The following SCFD2 variants were observed in gnomAD, a reference collection of about 807,000 sequenced individuals.
The protein encoded by SCFD2 is sec1 family domain-containing protein 2.
SCFD2 carries 54 observed loss-of-function variants against 58.9 expected under a neutral mutation model. The ratio of observed to expected loss-of-function variants is 0.92; its 90% CI spans 0.74 to 1.15. SCFD2 has a LOEUF of 1.15. Ranked by LOEUF, SCFD2 falls within the 50% of genes most tolerant of loss-of-function variation. SCFD2 has a pLI of 0.00. For missense variants in SCFD2, 805 were observed against 836.6 expected, an observed-to-expected ratio of 0.96 and a Z score of 0.47; for synonymous variants, 321 against 335.9, an observed-to-expected ratio of 0.96 and a Z score of 0.49.
intron 4 of SCFD2, among the ~76,000 whole-genome samples, chr4:53,211,696 C>A (rs1436608337): frequency 6.6e-6 from 1 of 152,052 alleles, no homozygotes; most frequent in African/African-American, 2.4e-5. Context: ...AATCCCCACG[C>A]ATTTGGTCAC....
chr4:52,900,764 C>T (rs1560475071), intron 7 of SCFD2, among the ~76,000 whole-genome samples: 2 of 152,230 alleles, frequency 1.3e-5, no homozygotes, highest in Admixed American at 6.5e-5. Flanking sequence ...GCAGGCAGGC[C>T]TCCTTGAGCT....
At chr4:52,892,137 G>A (rs1718892422) in intron 7 of SCFD2, among the ~76,000 whole-genome samples, 1 of 152,178 alleles carries the variant, frequency 6.6e-6, no homozygotes, top group Non-Finnish European at 1.5e-5. Context: ...TTCCAGTTCT[G>A]CTTCCCAATA....
At chr4:53,216,534 T>G (rs1369998155) in intron 4 of SCFD2, among the ~76,000 whole-genome samples, 1 of 152,202 alleles carries the variant, frequency 6.6e-6, no homozygotes, top group Non-Finnish European at 1.5e-5. Context: ...GATTCTTCTC[T>G]CTTTTTTTCT....
intron 2 of SCFD2, among the ~76,000 whole-genome samples, chr4:53,341,557 C>T (rs1018779495): frequency 6.6e-6 from 1 of 152,166 alleles, no homozygotes; most frequent in Non-Finnish European, 1.5e-5. Context: ...AGGAAAACTT[C>T]CCCAACCTAG....
At chr4:53,183,643 A>G (rs1437805434) in intron 4 of SCFD2, among the ~76,000 whole-genome samples, 3 of 148,228 alleles carry the variant, frequency 2.0e-5, no homozygotes, top group African/African-American at 2.5e-5. Context: ...CCTAAAACTT[A>G]AAGTATAATA....
chr4:53,212,498 A>C (rs1728648219), intron 4 of SCFD2, among the ~76,000 whole-genome samples: 1 of 149,830 alleles, frequency 6.7e-6, no homozygotes, highest in Non-Finnish European at 1.5e-5. Context: ...ATAATAATAA[A>C]TAATTTGCCC....
At chr4:52,973,153 G>C (rs1311341280) in intron 5 of SCFD2, among the ~76,000 whole-genome samples, 1 of 152,008 alleles carries the variant, frequency 6.6e-6, no homozygotes. Context: ...CAGAAGGCAA[G>C]AAATAACTAA....
intron 5 of SCFD2, among the ~76,000 whole-genome samples, chr4:53,088,321 C>T (rs1359961547): frequency 1.3e-5 from 2 of 152,166 alleles, no homozygotes; most frequent in Admixed American, 1.3e-4. Flanking sequence ...AGATCTCCTC[C>T]ACCCAAAATA....
intron 5 of SCFD2, among the ~76,000 whole-genome samples, chr4:52,969,998 T>C (rs1308225793): frequency 6.6e-6 from 1 of 151,936 alleles, no homozygotes; most frequent in Non-Finnish European, 1.5e-5. Context: ...TTAAAGAGGG[T>C]AAAAATCTCA....
chr4:53,024,603 TTTCTGCCAAAA>T (rs1204576149), intron 5 of SCFD2, among the ~76,000 whole-genome samples: 1 of 152,206 alleles, frequency 6.6e-6, no homozygotes, highest in Non-Finnish European at 1.5e-5. Context: ...AGACCACTAC[TTTCTGCCAAAA>T]TTCTAAAAAA....
intron 3 of SCFD2, among the ~76,000 whole-genome samples, chr4:53,288,235 G>A (rs1037327339): frequency 2.6e-5 from 4 of 152,090 alleles, no homozygotes; most frequent in Non-Finnish European, 5.9e-5. Flanking sequence ...AAAGAGTTTA[G>A]AAAGCCTGTG....
chr4:53,305,543 G>C (rs1732486202), intron 3 of SCFD2, among the ~76,000 whole-genome samples: 1 of 152,084 alleles, frequency 6.6e-6, no homozygotes, highest in South Asian at 2.1e-4. Flanking sequence ...CATGTGCAAA[G>C]ATGTAAAATA....
intron 5 of SCFD2, among the ~76,000 whole-genome samples, chr4:53,104,830 T>C (rs1159485600): frequency 6.6e-6 from 1 of 152,144 alleles, no homozygotes; most frequent in Non-Finnish European, 1.5e-5. Flanking sequence ...CCACAGCTCA[T>C]GGGGTCATAC....
At position 53,007,405 on chromosome 4, in the gene SCFD2, G is replaced by GGAA. The variant is rs1246959079; in HGVS notation, c.1562-86536_1562-86535insTTC. Reference sequence around the variant, plus strand: ...AGGAAAGAAGGAAGGAAGGAAGGAAGGGAGGGAGGGAGGGAGGGAGGGAGG... The same window carrying GGAA: ...AGGAAAGAAGGAAGGAAGGAAGGAAGGAAGGAGGGAGGGAGGGAGGGAGGGAGG... On this transcript the variant is annotated intron_variant, in intron 5 of 8. Transcript: ENST00000401642. Among the ~76,000 whole-genome samples the GGAA allele has an allele frequency of 2.8e-3, 332 of 116,858 alleles. 4 individuals carry two copies. The highest frequency in any genetic ancestry group is 0.011 in the African/African-American group (318 of 29,286). 76.7% of individuals were successfully genotyped at this position (116,858 alleles called of 152,430 possible). A position where few individuals can be genotyped will look rare whatever the true frequency, so the allele number is the denominator to read the frequency against.
intron 5 of SCFD2, among the ~76,000 whole-genome samples, chr4:53,074,094 T>C (rs1245657279): frequency 6.6e-6 from 1 of 152,224 alleles, no homozygotes; most frequent in Admixed American, 6.5e-5. Context: ...CCAATCCTCT[T>C]AAACACTGCT....
At position 53,196,298 on chromosome 4, in the gene SCFD2, G is replaced by A. The variant is rs943222688; in HGVS notation, c.1312-50716C>T. Among the ~76,000 whole-genome samples the A allele has an allele frequency of 3.3e-5, 5 of 152,202 alleles. No individual in the cohort carries two copies. The South Asian group carries it at 6.2e-4, about 19-fold the overall frequency. On this transcript the variant is annotated intron_variant, in intron 4 of 8. Coordinates refer to ENST00000401642, the MANE Select transcript of SCFD2 (RefSeq NM_152540.4). ...CAAAGCAGTGAAAAACATGATTGTC[G>A]AAATGCTGGCGTGTCTTCAAACAAC...
At chr4:52,958,360 A>C (rs1215527211) in intron 5 of SCFD2, among the ~76,000 whole-genome samples, 1 of 152,250 alleles carries the variant, frequency 6.6e-6, no homozygotes, top group Non-Finnish European at 1.5e-5. Flanking sequence ...GGAAAGAATT[A>C]ACTGGGCTCT....
chr4:53,300,762 G>C (rs1268567449), intron 3 of SCFD2, among the ~76,000 whole-genome samples: 2 of 152,210 alleles, frequency 1.3e-5, no homozygotes, highest in East Asian at 3.8e-4. Flanking sequence ...TCAGACCACA[G>C]TGCAATCAAA....
At chr4:53,268,392 T>G (rs1455228408) in intron 4 of SCFD2, among the ~76,000 whole-genome samples, 1 of 151,748 alleles carries the variant, frequency 6.6e-6, no homozygotes, top group Admixed American at 6.6e-5. Flanking sequence ...ATGGGGAGAC[T>G]AGAGGAGAGG....
Sources: allele counts gnomAD v4.1 joint callset (sites outside exome capture counted in the v4.1 genomes callset), GRCh38; gene constraint gnomAD v4.1.1; transcripts MANE v1.5; gene names NCBI Gene and HGNC (gene_info 2026-07-23, HGNC 2026-07-21).